The following VDAC1 variants were observed in gnomAD, a reference collection of about 807,000 sequenced individuals.
VDAC1 encodes non-selective voltage-gated ion channel VDAC1.
VDAC1 carries 10 observed loss-of-function variants against 34.7 expected under a neutral mutation model. That is an observed-to-expected ratio of 0.29 (90% confidence interval 0.18 to 0.49). VDAC1 has a LOEUF of 0.49. Among genes scored for constraint, VDAC1 ranks in the 20% least tolerant of loss-of-function variants. The pLI is 0.99. For synonymous variants in VDAC1, 130 were observed against 136.0 expected (o/e 0.96, Z 0.30); for missense variants, 230 against 347.9 (o/e 0.66, Z 2.69).
At chr5:134,090,607 GC>G in the VDAC1 span, among the ~76,000 whole-genome samples, 1 of 152,090 alleles carries the variant, frequency 6.6e-6, no homozygotes, top group Non-Finnish European at 1.5e-5. Context: ...CCACCCTTGG[GC>G]CCCGTGCCAG....
the VDAC1 span, among the ~76,000 whole-genome samples, chr5:134,059,066 T>C: frequency 6.6e-6 from 1 of 152,210 alleles, no homozygotes; most frequent in Non-Finnish European, 1.5e-5. Context: ...TGCCAACCCA[T>C]GGTCGGCAAC....
At chr5:134,107,095 C>T in the VDAC1 span, among the ~76,000 whole-genome samples, 1 of 152,236 alleles carries the variant, frequency 6.6e-6, no homozygotes, top group Non-Finnish European at 1.5e-5. Context: ...TCCAGCCCCA[C>T]TTTGGAGCCA....
intron 5 of VDAC1, among the ~76,000 whole-genome samples, chr5:133,987,198 C>T (rs1752937582): frequency 6.6e-6 from 1 of 151,440 alleles, no homozygotes; most frequent in Non-Finnish European, 1.5e-5. Flanking sequence ...CTGTCTCTAC[C>T]AAAAATATAA....
At chr5:134,049,688 T>A in the VDAC1 span, among the ~76,000 whole-genome samples, 1 of 152,182 alleles carries the variant, frequency 6.6e-6, no homozygotes. Flanking sequence ...CACGCAATTC[T>A]CCTGTCTCAG....
chr5:134,074,746 C>T, the VDAC1 span, among the ~76,000 whole-genome samples: 2 of 151,968 alleles, frequency 1.3e-5, no homozygotes, highest in Non-Finnish European at 2.9e-5. Flanking sequence ...TAAAAAGAAA[C>T]CTGAAGAACA....
chr5:134,045,147 G>A, the VDAC1 span, among the ~76,000 whole-genome samples: 7 of 152,216 alleles, frequency 4.6e-5, no homozygotes, highest in Admixed American at 3.3e-4. Context: ...AGGAAGAACA[G>A]CCAGAGAACT....
At chr5:134,056,003 C>T in the VDAC1 span, among the ~76,000 whole-genome samples, 1 of 151,816 alleles carries the variant, frequency 6.6e-6, no homozygotes, top group African/African-American at 2.4e-5. Flanking sequence ...CTTTGGGAGG[C>T]TGAGGCAGGT....
chr5:134,101,652 C>T, the VDAC1 span, among the ~76,000 whole-genome samples: 1 of 152,044 alleles, frequency 6.6e-6, no homozygotes. Flanking sequence ...TAACATTGTT[C>T]CTGTCACCAT....
chr5:134,102,830 C>T, the VDAC1 span, among the ~76,000 whole-genome samples: 3 of 152,000 alleles, frequency 2.0e-5, no homozygotes, highest in Admixed American at 2.0e-4. Flanking sequence ...GAGGAGGGTC[C>T]CTGCCTCTGG....
At chr5:134,034,083 A>C in the VDAC1 span, among the ~76,000 whole-genome samples, 1 of 152,194 alleles carries the variant, frequency 6.6e-6, no homozygotes, top group African/African-American at 2.4e-5. Context: ...TAATCTATGT[A>C]ACTTTGGGAA....
At chr5:134,056,177 G>A in the VDAC1 span, among the ~76,000 whole-genome samples, 1 of 148,206 alleles carries the variant, frequency 6.7e-6, no homozygotes, top group Non-Finnish European at 1.5e-5. Context: ...GGAGGCAGAG[G>A]TTGCAGTGAG....
At chr5:134,090,806 C>T in the VDAC1 span, among the ~76,000 whole-genome samples, 3 of 152,336 alleles carry the variant, frequency 2.0e-5, no homozygotes, top group East Asian at 5.8e-4. Context: ...ATGCAACCCA[C>T]GGAGGAGAAG....
rs558404564 is a variant in VDAC1 at position 134,000,117 on chromosome 5, G to A, written c.-7+4778C>T. Among the ~76,000 whole-genome samples the A allele has an allele frequency of 2.5e-4, 38 of 151,940 alleles. No individual in the cohort carries two copies. The South Asian group carries it at 7.1e-3, about 28-fold the overall frequency. ...AGCTCGCTCACACACATGCACGCAT[G>A]CACACACACACACTCCAGCACTTTC... On this transcript the variant is annotated intron_variant, in intron 1 of 8. Coordinates refer to ENST00000265333, the MANE Select transcript of VDAC1 (RefSeq NM_003374.3).
At chr5:133,984,633 T>C (rs1414983971) in intron 5 of VDAC1, among the ~76,000 whole-genome samples, 2 of 151,928 alleles carry the variant, frequency 1.3e-5, no homozygotes, top group Non-Finnish European at 2.9e-5. Context: ...TCATAGACAA[T>C]CCCATAAAAG....
chr5:133,977,154 G>A (rs114701080), intron 6 of VDAC1, among the ~76,000 whole-genome samples: 94 of 152,360 alleles, frequency 6.2e-4, no homozygotes, highest in African/African-American at 2.1e-3. Flanking sequence ...CAGAAGGCAA[G>A]TTAGAGCCCT....
the VDAC1 span, among the ~76,000 whole-genome samples, chr5:134,030,620 G>A: frequency 7.1e-6 from 1 of 141,044 alleles, no homozygotes; most frequent in African/African-American, 2.7e-5. Flanking sequence ...TTTTTGAGAT[G>A]GAGTCTCACT....
chr5:133,980,709 C>CCCA lies in VDAC1; in HGVS notation c.551+19_551+20insTGG. ...CTCCAACCCCACCCCTCCCACCCTGCTGCCCCCATGTACACTTACACATTA... is the reference window on the plus strand; with the variant it reads ...CTCCAACCCCACCCCTCCCACCCTGCCCATGCCCCCATGTACACTTACACATTA... On this transcript the variant is annotated intron_variant, in intron 6 of 8. Transcript: ENST00000265333. The CCCA allele has an allele frequency of 2.0e-5, 21 of 1,042,992 alleles. No homozygotes were observed. The highest frequency in any genetic ancestry group is 2.9e-5 in the Non-Finnish European group (20 of 697,268). The allele number at this position is 1,042,992 out of a possible 1,614,324, so 64.6% of individuals were successfully genotyped here. A position where few individuals can be genotyped will look rare whatever the true frequency, so the allele number is the denominator to read the frequency against.
intron 1 of VDAC1, among the ~76,000 whole-genome samples, chr5:134,001,411 C>T (rs1358861262): frequency 1.3e-5 from 2 of 152,138 alleles, no homozygotes; most frequent in African/African-American, 4.8e-5. Flanking sequence ...TGACGACAAT[C>T]ATACTTTTAT....
the VDAC1 span, among the ~76,000 whole-genome samples, chr5:134,048,294 T>G: frequency 6.9e-6 from 1 of 145,102 alleles, no homozygotes; most frequent in South Asian, 2.2e-4. Context: ...TTTGAGACAG[T>G]CTCGCTCTGT....
Sources: gnomAD v4.1 joint callset for allele counts (sites outside exome capture counted in the v4.1 genomes callset) on GRCh38, gnomAD v4.1.1 for gene constraint, MANE v1.5 for transcripts, NCBI Gene and HGNC (gene_info 2026-07-23, HGNC 2026-07-21) for gene names.